LPIN2: variants seen among roughly 807,000 people sequenced by gnomAD.
LPIN2 encodes the protein phosphatidate phosphatase LPIN2.
Under a neutral mutation model 111.4 loss-of-function variants are expected in LPIN2, and 55 were observed. The observed-to-expected ratio is 0.49, with a 90% CI of 0.40 to 0.62. The LOEUF (loss-of-function observed/expected upper bound fraction) is 0.62. Among genes scored for constraint, LPIN2 ranks in the 20% least tolerant of loss-of-function variants. The probability of loss-of-function intolerance (pLI) is 0.00; values close to 1 mark genes in which losing one functional copy is unlikely to be tolerated. For missense variants in LPIN2, 992 were observed against 1,112.1 expected, an observed-to-expected ratio of 0.89 and a Z score of 1.54; for synonymous variants, 425 against 414.0, an observed-to-expected ratio of 1.03 and a Z score of -0.32.
intron 4 of LPIN2, chr18:2,950,661 A>G (rs1293757821): frequency 1.1e-5 from 3 of 263,398 alleles, no homozygotes; most frequent in South Asian, 4.8e-5. Flanking sequence ...TTCAATTCCA[A>G]TAAAACAAAA....
intron 1 of LPIN2, among the ~76,000 whole-genome samples, chr18:3,012,461 G>C (rs776910655): frequency 2.6e-5 from 4 of 151,684 alleles, no homozygotes; most frequent in Non-Finnish European, 4.4e-5. Context: ...GTATCTGAAC[G>C]TGTTCCTCAC....
At position 2,927,780 on chromosome 18, in the gene LPIN2, A is replaced by G; in HGVS notation, c.1652T>C (p.Met551Thr). 1 of 1,614,154 alleles carries G rather than the reference A, an allele frequency of 6.2e-7. No homozygotes were observed. The highest frequency in any genetic ancestry group is 8.5e-7 in the Non-Finnish European group (1 of 1,180,010). The stretch of plus-strand genomic sequence containing the variant: ...CCACCAGCGACCAGATTTCTTTGGC[A>G]TCTTGTCTTTCACCCAGGACTCAAC... ...ATVESWVKDKMPKKSGRWWFW... is the reference protein window; with the variant it reads ...ATVESWVKDKTPKKSGRWWFW... The change falls in exon 12 of 20, where the codon ATG becomes ACG. Residue 551 changes from methionine to threonine, a missense_variant. Around this residue, in one of 4 missense-constraint regions of LPIN2, gnomAD observed 709 missense variants for 753.2 expected, o/e 0.94. Coordinates refer to ENST00000677752, the MANE Select transcript of LPIN2 (RefSeq NM_001375808.2).
At chr18:2,940,556 T>TA (rs1568542187) in intron 5 of LPIN2, 49 bp downstream of exon 5, 1 of 1,100,072 alleles carries the variant, frequency 9.1e-7, no homozygotes, top group Non-Finnish European at 1.4e-6. Context: ...AGCTAATTAA[T>TA]ACATCTCCTT....
At chr18:2,943,207 T>TTTG (rs1421570627) in intron 4 of LPIN2, among the ~76,000 whole-genome samples, 1 of 152,060 alleles carries the variant, frequency 6.6e-6, no homozygotes, top group African/African-American at 2.4e-5. Flanking sequence ...TTTTTTCTGT[T>TTTG]TTGTTTTTTA....
At chr18:2,962,505 A>ATG (rs2077728709) in intron 1 of LPIN2, among the ~76,000 whole-genome samples, 2 of 152,218 alleles carry the variant, frequency 1.3e-5, no homozygotes, top group Non-Finnish European at 2.9e-5. Flanking sequence ...CTAGTAATAA[A>ATG]TGAGACTAAA....
chr18:2,949,197 T>C (rs765548782), intron 4 of LPIN2, among the ~76,000 whole-genome samples: 1 of 152,196 alleles, frequency 6.6e-6, no homozygotes, highest in East Asian at 1.9e-4. Flanking sequence ...ACAAATAACC[T>C]TTAAAAGACT....
intron 1 of LPIN2, among the ~76,000 whole-genome samples, chr18:3,011,539 T>C (rs779756034): frequency 2.0e-5 from 3 of 151,980 alleles, no homozygotes; most frequent in Non-Finnish European, 4.4e-5. Flanking sequence ...ATACAAAAAT[T>C]AGCTGAGTGT....
At position 2,922,191 on chromosome 18, in the gene LPIN2, T is replaced by C. The variant is rs1335621701; in HGVS notation, c.2183A>G (p.Tyr728Cys). 4 of 1,613,954 alleles carry C rather than the reference T, an allele frequency of 2.5e-6. No individual in the cohort carries two copies. Among genetic ancestry groups the C allele is most frequent in the Non-Finnish European group, 2.5e-6 (3 of 1,179,952 alleles). Residue 728 changes from tyrosine (Y) to cysteine (C), a missense_variant, in exon 17 of 20, where the codon TAC (tyrosine) becomes TGC (cysteine). By Grantham distance (194) the Tyr-to-Cys change is radical (BLOSUM62 -2). Transcript: ENST00000677752. ...KLYHSINENG[Y>C]KFLYCSARAI... ...ACGAGCCGAGCAGTACAGAAACTTG[T>C]AGCCATTCCTGAAAGAAAACACACC...
At chr18:3,006,105 G>A (rs2078511443) in intron 1 of LPIN2, among the ~76,000 whole-genome samples, 1 of 152,168 alleles carries the variant, frequency 6.6e-6, no homozygotes, top group Admixed American at 6.5e-5. Context: ...TACAGTGGTT[G>A]TGACTTAAGA....
At chr18:2,993,818 A>G (rs1053196492) in intron 1 of LPIN2, among the ~76,000 whole-genome samples, 2 of 152,320 alleles carry the variant, frequency 1.3e-5, no homozygotes, top group South Asian at 2.1e-4. Context: ...GAACCCAACT[A>G]AGCTTTGCAA....
chr18:2,972,356 T>C (rs141571623), intron 1 of LPIN2: 11 of 152,184 alleles, frequency 7.2e-5, no homozygotes, highest in East Asian at 1.9e-4. Context: ...AGGAAGTCAG[T>C]GTGAAGTCAG....
Position 2,920,248 on chromosome 18 carries a change from TG to T in LPIN2, c.*44del. ...AGAAGAGCCAGCTGCCTTCCCTTGC[TG>T]TGGGGAGGGGGACCAAGCCCTGCCC... On this transcript the variant is annotated 3_prime_UTR_variant, in exon 20 of 20. Coordinates refer to ENST00000677752, the MANE Select transcript of LPIN2 (RefSeq NM_001375808.2). 6.2e-7 allele frequency: 1 copy of T among 1,612,760 alleles called. No homozygotes were observed. Among genetic ancestry groups the T allele is most frequent in the Non-Finnish European group, 8.5e-7 (1 of 1,179,272 alleles).
chr18:3,007,362 G>A (rs915537053), intron 1 of LPIN2, among the ~76,000 whole-genome samples: 4 of 152,072 alleles, frequency 2.6e-5, no homozygotes, highest in African/African-American at 7.2e-5. Flanking sequence ...TAGTAGAGAC[G>A]GGGTTTCACT....
At position 2,920,257 on chromosome 18, in the gene LPIN2, G is replaced by A. The variant is rs765367983; in HGVS notation, c.*36C>T. The A allele has an allele frequency of 2.6e-5, 42 of 1,613,488 alleles. No individual in the cohort carries two copies. The highest frequency in any genetic ancestry group is 3.1e-5 in the Non-Finnish European group (37 of 1,179,906). On this transcript the variant is annotated 3_prime_UTR_variant, in exon 20 of 20. Transcript: ENST00000677752. ...AGCTGCCTTCCCTTGCTGTGGGGAG[G>A]GGGACCAAGCCCTGCCCACCCACTG... is the stretch of plus-strand genomic sequence containing the variant.
In LPIN2 at chr18:2,919,561, T is replaced by C. The variant is rs1257285309; in HGVS notation, c.*732A>G. 2.6e-5 allele frequency: 4 copies of C among 152,574 alleles called. 1 individual carries two copies. Among genetic ancestry groups the C allele is most frequent in the Admixed American group, 2.6e-4 (4 of 15,328 alleles). The allele number at this position is 152,574 out of a possible 1,614,324, so 9.5% of individuals were successfully genotyped here. A position where few individuals can be genotyped will look rare whatever the true frequency, so the allele number is the denominator to read the frequency against. ...TTTAAGACCCACCTTCCCACTTTTA[T>C]TACAGACATCAAATATATACTTGTG... On this transcript the variant is annotated 3_prime_UTR_variant, in exon 20 of 20. Transcript: ENST00000677752.
chr18:2,964,161 T>C (rs1227382823), intron 1 of LPIN2, among the ~76,000 whole-genome samples: 3 of 150,778 alleles, frequency 2.0e-5, no homozygotes, highest in African/African-American at 7.4e-5. Context: ...CGTGCGCCTG[T>C]AGTCCCAGCT....
intron 8 of LPIN2, among the ~76,000 whole-genome samples, chr18:2,933,673 C>T (rs1257351634): frequency 2.0e-5 from 3 of 152,220 alleles, no homozygotes; most frequent in Admixed American, 1.3e-4. Flanking sequence ...TCAGTATATT[C>T]AAGTCATACT....
At chr18:2,969,340 C>G (rs2077864889) in intron 1 of LPIN2, among the ~76,000 whole-genome samples, 1 of 152,164 alleles carries the variant, frequency 6.6e-6, no homozygotes, top group Admixed American at 6.5e-5. Flanking sequence ...AGAAAAAGTA[C>G]AGGGGAGTTT....
In LPIN2 at chr18:2,934,543, A is replaced by G. The variant is rs1371514815; in HGVS notation, c.1169-93T>C. On this transcript the variant is annotated intron_variant, in intron 7 of 19. Transcript: ENST00000677752. ...CACGTTTGCAAACAGTAAGAGTGAC[A>G]AGCAGGATTTGAATAGGGTTTTAAT... 3.7e-6 allele frequency: 3 copies of G among 804,004 alleles called. No individual in the cohort carries two copies. The African/African-American group carries it at 5.1e-5, about 14-fold the overall frequency. The allele number at this position is 804,004 out of a possible 1,614,324, so 49.8% of individuals were successfully genotyped here.
Sources: allele counts gnomAD v4.1 joint callset (sites outside exome capture counted in the v4.1 genomes callset), GRCh38; gene constraint gnomAD v4.1.1; regional missense constraint gnomAD v4.1.1; transcripts MANE v1.5; gene names NCBI Gene and HGNC (gene_info 2026-07-23, HGNC 2026-07-21).